The following MGAM variants were observed in gnomAD, a reference collection of about 807,000 sequenced individuals.
MGAM encodes the protein maltase-glucoamylase, also known as alpha-1,4-glucosidase.
In MGAM, 253 loss-of-function variants were observed where a neutral mutation model predicts 358.8. The observed-to-expected ratio is 0.71, with a 90% CI of 0.64 to 0.78. The LOEUF is 0.78. Among genes scored for constraint, MGAM ranks in the 30% least tolerant of loss-of-function variants. The pLI is 0.00. For missense variants in MGAM, 3,080 were observed against 3,432.6 expected (o/e 0.90, Z 2.57); for synonymous variants, 1,105 against 1,227.1 (o/e 0.90, Z 2.08).
In MGAM at chr7:142,034,333, G is replaced by A. The variant is rs1554464971; in HGVS notation, c.1741G>A (p.Asp581Asn). 1 of 1,596,870 alleles carries A rather than the reference G, an allele frequency of 6.3e-7. No individual in the cohort carries two copies. Among genetic ancestry groups the A allele is most frequent in the Non-Finnish European group, 8.5e-7 (1 of 1,171,356 alleles). ...AGTGCAGCACTGGGGCAAGCAGTATGACATTCACAATCTGTATGGCTACTC... is the reference window on the plus strand; with the variant it reads ...AGTGCAGCACTGGGGCAAGCAGTATAACATTCACAATCTGTATGGCTACTC... ...DAVQHWGKQY[D>N]IHNLYGYSMA... is the part of the protein sequence containing the mutation. Residue 581 changes from aspartate (D) to asparagine (N), a missense_variant, in exon 15 of 71, where the codon GAC becomes AAC. Transcript: ENST00000475668.
intron 3 of MGAM, among the ~76,000 whole-genome samples, chr7:142,014,773 TTGATAGA>T (rs1186112319): frequency 6.6e-6 from 1 of 152,150 alleles, no homozygotes; most frequent in Non-Finnish European, 1.5e-5. Context: ...TTTAACTATG[TTGATAGA>T]TATCTCTAGT....
intron 8 of MGAM, among the ~76,000 whole-genome samples, chr7:142,025,850 C>A (rs10259614): frequency 2.0e-5 from 3 of 152,102 alleles, no homozygotes; most frequent in Admixed American, 2.0e-4. Context: ...AATGATCTAA[C>A]ATGATTCTAG....
intron 24 of MGAM, among the ~76,000 whole-genome samples, chr7:142,051,389 A>C (rs1810936325): frequency 6.6e-6 from 1 of 152,116 alleles, no homozygotes; most frequent in South Asian, 2.1e-4. Flanking sequence ...GACTAGTAGA[A>C]CAGGGAAGTA....
At chr7:142,008,394 C>A in intron 2 of MGAM, 112 bp from the exon 3 acceptor site, 1 of 1,156,150 alleles carries the variant, frequency 8.6e-7, no homozygotes. Context: ...ATTTTGAGGT[C>A]ATCAGAGTGA....
chr7:142,019,524 G>A lies in MGAM; in HGVS notation c.448+205G>A, dbSNP rs546692067. Among the ~76,000 whole-genome samples the A allele has an allele frequency of 8.5e-4, 129 of 152,358 alleles. 1 individual carries two copies. Among genetic ancestry groups the A allele is most frequent in the African/African-American group, 3.0e-3 (125 of 41,590 alleles). On this transcript the variant is annotated intron_variant, in intron 4 of 70. Coordinates refer to ENST00000475668, the MANE Select transcript of MGAM (RefSeq NM_001365693.1). ...TCTGCCTTGGGAGTTGAGAGACCAT[G>A]TCCTCTTTCCAACTTCCCCATTTAT...
chr7:141,990,229 A>T (rs982315797), intron 2 of MGAM, among the ~76,000 whole-genome samples: 1 of 152,222 alleles, frequency 6.6e-6, no homozygotes, highest in Non-Finnish European at 1.5e-5. Context: ...TACAACACAC[A>T]TAGAATGCTT....
At chr7:142,099,901 A>T (rs570188081) in intron 67 of MGAM, among the ~76,000 whole-genome samples, 164 bp downstream of exon 67, 6 of 152,288 alleles carry the variant, frequency 3.9e-5, no homozygotes, top group African/African-American at 1.4e-4. Context: ...TTCAGACTCT[A>T]TACTCTTCGA....
In MGAM at chr7:142,088,539, CTCTA is replaced by C. The variant is rs1188265034; in HGVS notation, c.6810+1829_6810+1832del. ...ATCAATGTATTAATTCATCCACCCA[CTCTA>C]TCTATCCATCCATCCTCTATCTATC... On this transcript the variant is annotated intron_variant, in intron 57 of 70. Coordinates refer to ENST00000475668, the MANE Select transcript of MGAM (RefSeq NM_001365693.1). Among the ~76,000 whole-genome samples the C allele has an allele frequency of 2.8e-5, 4 of 144,074 alleles. 1 individual carries two copies. Among genetic ancestry groups the C allele is most frequent in the Non-Finnish European group, 4.7e-5 (3 of 63,996 alleles). The allele number at this position is 144,074 out of a possible 152,430, so 94.5% of individuals were successfully genotyped here.
chr7:142,059,506 G>A lies in MGAM; in HGVS notation c.3854G>A (p.Arg1285Gln), dbSNP rs759425386. ...VQYSDIDYMERQLDFTLSPKF... is the reference protein window; with the variant it reads ...VQYSDIDYMEQQLDFTLSPKF... Reference sequence around the variant, plus strand: ...TACTCAGACATCGACTACATGGAGCGGCAGCTGGACTTCACCCTCAGCCCC... The same window carrying A: ...TACTCAGACATCGACTACATGGAGCAGCAGCTGGACTTCACCCTCAGCCCC... The change falls in exon 32 of 71, where the codon CGG becomes CAG. Residue 1285 changes from arginine to glutamine, a missense_variant. Arg to Gln is a conservative substitution (Grantham distance 43, BLOSUM62 1). Transcript: ENST00000475668. 12 of 1,612,176 alleles carry A rather than the reference G, an allele frequency of 7.4e-6. No individual in the cohort carries two copies. The highest frequency in any genetic ancestry group is 9.3e-6 in the Non-Finnish European group (11 of 1,178,748).
chr7:142,103,493 T>G (rs1816607169), intron 70 of MGAM, 54 bp downstream of exon 70: 1 of 1,450,614 alleles, frequency 6.9e-7, no homozygotes, highest in Admixed American at 2.6e-5. Context: ...ATATGCCTAG[T>G]GCAGTGCCTG....
rs776699532 is a variant in MGAM at position 142,082,010 on chromosome 7, TTC to T, written c.6003-30_6003-29del. On this transcript the variant is annotated intron_variant, in intron 50 of 70. Coordinates refer to ENST00000475668, the MANE Select transcript of MGAM (RefSeq NM_001365693.1). ...CTGGAAGCAGAGAGAAAAGCCCATT[TTC>T]TGTTTCAAATCTGCCTTTTTGTGTT... The T allele has an allele frequency of 5.8e-6, 9 of 1,546,534 alleles. No homozygotes were observed. The African/African-American group carries it at 1.1e-4, about 18-fold the overall frequency.
At position 142,084,555 on chromosome 7, in the gene MGAM, T is replaced by C; in HGVS notation, c.6418T>C (p.Leu2140=). The stretch of plus-strand genomic sequence containing the variant: ...GCCTGTGATGGTACCTTACTGGTCT[T>C]TGGGGTTCCAGCTGTGTCGCTATGG... ...GRPVMVPYWS[L]GFQLCRYGYQ... is the part of the protein sequence containing the mutation. Residue 2140 remains leucine (L), a synonymous_variant, in exon 54 of 71, where the codon TTG becomes CTG. Coordinates refer to ENST00000475668, the MANE Select transcript of MGAM (RefSeq NM_001365693.1). The C allele has an allele frequency of 6.4e-7, 1 of 1,556,366 alleles. No individual in the cohort carries two copies. The highest frequency in any genetic ancestry group is 8.8e-7 in the Non-Finnish European group (1 of 1,132,632).
chr7:141,995,636 C>G (rs1019721990), upstream of MGAM, among the ~76,000 whole-genome samples: 2 of 152,064 alleles, frequency 1.3e-5, no homozygotes, highest in African/African-American at 4.8e-5. Flanking sequence ...TCCTCACCAC[C>G]GATTAAACAT....
intron 2 of MGAM, among the ~76,000 whole-genome samples, chr7:142,008,291 G>A (rs1201392782): frequency 1.3e-5 from 2 of 152,264 alleles, no homozygotes; most frequent in Admixed American, 1.3e-4. Flanking sequence ...TTGTAGGGGA[G>A]GGAGTTGGGA....
intron 8 of MGAM, among the ~76,000 whole-genome samples, chr7:142,025,826 C>T (rs566908289): frequency 6.6e-5 from 10 of 152,130 alleles, no homozygotes; most frequent in Admixed American, 3.3e-4. Context: ...CACAGATATC[C>T]GAGAAGCACT....
At chr7:142,090,116 G>A (rs1296573945) in intron 57 of MGAM, among the ~76,000 whole-genome samples, 1 of 146,158 alleles carries the variant, frequency 6.8e-6, no homozygotes, top group Non-Finnish European at 1.5e-5. Flanking sequence ...ATCACTGTTT[G>A]AAGACTGGAG....
At chr7:142,081,871 CT>C (rs1194519047) in intron 50 of MGAM, among the ~76,000 whole-genome samples, 170 bp from the exon 51 acceptor site, 1 of 145,318 alleles carries the variant, frequency 6.9e-6, no homozygotes, top group African/African-American at 2.4e-5. Context: ...AACTCCTGGG[CT>C]TTTAGTGGGG....
chr7:142,083,204 A>T, intron 52 of MGAM, 97 bp from the exon 53 acceptor site: 1 of 970,612 alleles, frequency 1.0e-6, no homozygotes, highest in Non-Finnish European at 1.5e-6. Flanking sequence ...CTACTCTACG[A>T]TAGGGAGGGT....
chr7:142,031,441 G>A (rs1203229206), intron 12 of MGAM, among the ~76,000 whole-genome samples: 2 of 152,128 alleles, frequency 1.3e-5, no homozygotes, highest in African/African-American at 2.4e-5. Context: ...GTTAGACAAT[G>A]CCTTTATCCA....
Sources: allele counts gnomAD v4.1 joint callset (sites outside exome capture counted in the v4.1 genomes callset), GRCh38; gene constraint gnomAD v4.1.1; transcripts MANE v1.5; gene names NCBI Gene and HGNC (gene_info 2026-07-23, HGNC 2026-07-21).